Variants in ABLIM3 observed in about 807,000 individuals in gnomAD.
ABLIM3 encodes actin-binding LIM protein 3.
ABLIM3 carries 61 observed loss-of-function variants against 109.5 expected under a neutral mutation model. The observed-to-expected ratio is 0.56, with a 90% confidence interval of 0.45 to 0.69. ABLIM3 has a LOEUF of 0.69. ABLIM3 is among the 30% of genes least tolerant of loss of function. ABLIM3 has a pLI of 0.00. For missense variants in ABLIM3, 796 were observed against 889.5 expected (o/e 0.89, Z 1.34); for synonymous variants, 300 against 324.8 (o/e 0.92, Z 0.82).
At chr5:149,168,540 A>C (rs1755044907) in intron 2 of ABLIM3, among the ~76,000 whole-genome samples, 1 of 152,160 alleles carries the variant, frequency 6.6e-6, no homozygotes, top group Non-Finnish European at 1.5e-5. Flanking sequence ...AGATGGCTTT[A>C]ATAACAGACC....
chr5:149,247,957 G>A (rs757008959), intron 18 of ABLIM3, 28 bp downstream of exon 18: 2 of 1,605,662 alleles, frequency 1.2e-6, no homozygotes, highest in South Asian at 1.1e-5. Flanking sequence ...AGCCCAACGG[G>A]GCGGGGACAC....
At chr5:149,201,762 G>T (rs1303857113) in intron 5 of ABLIM3, among the ~76,000 whole-genome samples, 1 of 152,108 alleles carries the variant, frequency 6.6e-6, no homozygotes. Context: ...CTGGGATATG[G>T]GACCACGACC....
chr5:149,185,473 A>T (rs1411831681), intron 3 of ABLIM3, among the ~76,000 whole-genome samples: 12 of 152,216 alleles, frequency 7.9e-5, no homozygotes, highest in Non-Finnish European at 1.8e-4. Context: ...CCCAGATTCA[A>T]GGTCACGGAG....
intron 5 of ABLIM3, among the ~76,000 whole-genome samples, chr5:149,205,332 G>A (rs1202878260): frequency 1.3e-5 from 2 of 152,156 alleles, no homozygotes; most frequent in African/African-American, 4.8e-5. Context: ...TTAAGCAGAG[G>A]AGGGTGCCCA....
rs372802404 is a variant in ABLIM3 at position 149,187,593 on chromosome 5, TAC to T, written c.151+4005_151+4006del. On this transcript the variant is annotated intron_variant, in intron 3 of 23. Transcript: ENST00000309868. ...TCTAAATTTCTTTTCAAAGAATTAATACGTTAGTATGTTCAATTCTTTGCCTT... is the reference window on the plus strand; with the variant it reads ...TCTAAATTTCTTTTCAAAGAATTAATGTTAGTATGTTCAATTCTTTGCCTT... Among the ~76,000 whole-genome samples, 214 of 152,366 alleles carry T rather than the reference TAC, an allele frequency of 1.4e-3. 2 individuals carry two copies. The East Asian group carries it at 0.03, about 21-fold the overall frequency.
At chr5:149,207,586 T>C (rs1047851080) in intron 6 of ABLIM3, among the ~76,000 whole-genome samples, 4 of 152,238 alleles carry the variant, frequency 2.6e-5, no homozygotes, top group Non-Finnish European at 4.4e-5. Flanking sequence ...TTGTATGAAG[T>C]ATCACTTTAA....
At position 149,159,317 on chromosome 5, in the gene ABLIM3, A is replaced by T. The variant is rs542566363; in HGVS notation, c.13+17209A>T. Among the ~76,000 whole-genome samples, 4 of 152,342 alleles carry T rather than the reference A, an allele frequency of 2.6e-5. No individual in the cohort carries two copies. In the South Asian group the frequency reaches 8.3e-4, roughly 32 times the overall value. The stretch of plus-strand genomic sequence containing the variant: ...TGATTCCATTTATATGGAATTCAAG[A>T]AGGCAAAACTAATCTATGTGGACAG... On this transcript the variant is annotated intron_variant, in intron 2 of 23. Coordinates refer to ENST00000309868, the MANE Select transcript of ABLIM3 (RefSeq NM_014945.5).
chr5:149,194,562 G>A (rs1251458067), intron 3 of ABLIM3, among the ~76,000 whole-genome samples: 1 of 152,214 alleles, frequency 6.6e-6, no homozygotes, highest in Non-Finnish European at 1.5e-5. Context: ...TAGACCAACT[G>A]TGATGTATTC....
chr5:149,244,837 G>A (rs374185987), intron 15 of ABLIM3, 44 bp from the exon 16 acceptor site: 222 of 1,613,760 alleles, frequency 1.4e-4, no homozygotes, highest in Admixed American at 1.8e-4. Context: ...GTCCCATCCC[G>A]GTCACTCTGC....
intron 3 of ABLIM3, among the ~76,000 whole-genome samples, chr5:149,185,192 G>A (rs776493698): frequency 1.4e-4 from 22 of 152,094 alleles, no homozygotes; most frequent in South Asian, 4.2e-4. Context: ...GGGTTGGCTG[G>A]GAAGTGTTTC....
chr5:149,198,232 C>T lies in ABLIM3; in HGVS notation c.165C>T (p.Gly55=). 1 of 1,612,686 alleles carries T rather than the reference C, an allele frequency of 6.2e-7. No individual in the cohort carries two copies. Among genetic ancestry groups the T allele is most frequent in the Non-Finnish European group, 8.5e-7 (1 of 1,179,304 alleles). Reference sequence around the variant, plus strand: ...TTGTTCCCCAAGTATGTGGCTGTGGCCTGGCCCAGTCAGGCTTCTTCTTCA... The same window carrying T: ...TTGTTCCCCAAGTATGTGGCTGTGGTCTGGCCCAGTCAGGCTTCTTCTTCA... ...RCFTCQVCGC[G]LAQSGFFFKN... The change falls in exon 4 of 24, where the codon GGC becomes GGT. Residue 55 remains glycine (G), a synonymous_variant. Transcript: ENST00000309868. The surrounding 1 kb of genome is among the most constrained non-coding windows in gnomAD (Gnocchi z 4.2).
intron 21 of ABLIM3, 85 bp downstream of exon 21, chr5:149,251,504 T>C (rs1022334200): frequency 3.4e-6 from 5 of 1,483,970 alleles, no homozygotes; most frequent in African/African-American, 2.8e-5. Context: ...CGGCAAATGA[T>C]GGCTACAGAT....
At chr5:149,242,354 G>A in intron 14 of ABLIM3, 137 bp from the exon 15 acceptor site, 2 of 783,058 alleles carry the variant, frequency 2.6e-6, no homozygotes, top group South Asian at 1.6e-5. Context: ...AGGGGAAAAA[G>A]ATGGTGGCCC....
In ABLIM3 at chr5:149,142,068, A is replaced by G. The variant is rs541145405; in HGVS notation, c.-28A>G. Reference sequence around the variant, plus strand: ...AAAGCAGCCGGGGCCTCCGTATTGAATGAAAGACCCAGTGCAAAGACATCA... The same window carrying G: ...AAAGCAGCCGGGGCCTCCGTATTGAGTGAAAGACCCAGTGCAAAGACATCA... On this transcript the variant is annotated 5_prime_UTR_variant, in exon 2 of 24. The change abolishes an upstream ATG in the 5' untranslated region. Transcript: ENST00000309868. 93 of 1,609,580 alleles carry G rather than the reference A, an allele frequency of 5.8e-5. 3 individuals are homozygous for G. The Admixed American group carries it at 1.5e-3, about 27-fold the overall frequency.
chr5:149,188,767 C>T (rs1168760478), intron 3 of ABLIM3, among the ~76,000 whole-genome samples: 1 of 152,202 alleles, frequency 6.6e-6, no homozygotes, highest in African/African-American at 2.4e-5. Context: ...GTTAGGGCTT[C>T]AACATATGAA....
Position 149,183,581 on chromosome 5 carries a change from C to T in ABLIM3, c.143C>T (p.Thr48Ile), listed in dbSNP as rs372043551. 1.3e-5 allele frequency: 20 copies of T among 1,555,266 alleles called. No homozygotes were observed. The highest frequency in any genetic ancestry group is 1.7e-5 in the Non-Finnish European group (19 of 1,151,128). Reference sequence around the variant, plus strand: ...AACCACTTCCACATCAGATGCTTCACCTGTCAAGGTAGGAGGCTCAGCTCC... The same window carrying T: ...AACCACTTCCACATCAGATGCTTCATCTGTCAAGGTAGGAGGCTCAGCTCC... ...HNNHFHIRCF[T>I]CQVCGCGLAQ... is the part of the protein sequence containing the mutation. The change falls in exon 3 of 24, where the codon ACC becomes ATC. Residue 48 changes from threonine to isoleucine, a missense_variant. Coordinates refer to ENST00000309868, the MANE Select transcript of ABLIM3 (RefSeq NM_014945.5).
intron 3 of ABLIM3, among the ~76,000 whole-genome samples, chr5:149,185,584 G>T (rs778575091): frequency 5.9e-5 from 9 of 152,102 alleles, no homozygotes; most frequent in Admixed American, 5.9e-4. Flanking sequence ...ACCACACGGA[G>T]TTTGTAGAAT....
chr5:149,257,759 A>G (rs1051016404), intron 23 of ABLIM3, among the ~76,000 whole-genome samples: 9 of 152,262 alleles, frequency 5.9e-5, no homozygotes, highest in Non-Finnish European at 1.0e-4. Flanking sequence ...TTTTCATATC[A>G]GAAAAAGATA....
chr5:149,175,805 A>G (rs1287804234), intron 2 of ABLIM3, among the ~76,000 whole-genome samples: 2 of 152,204 alleles, frequency 1.3e-5, no homozygotes, highest in Non-Finnish European at 2.9e-5. Flanking sequence ...TGTAGCTGCC[A>G]TGTGGCAGCT....
Sources: gnomAD v4.1 joint callset for allele counts (sites outside exome capture counted in the v4.1 genomes callset) on GRCh38, gnomAD v4.1.1 for gene constraint, Gnocchi (gnomAD v3.1) non-coding constraint, MANE v1.5 for transcripts, NCBI Gene and HGNC (gene_info 2026-07-23, HGNC 2026-07-21) for gene names.